RSPO2: variants seen among roughly 807,000 people sequenced by gnomAD.
RSPO2 encodes the protein R-spondin-2.
RSPO2 carries 14 observed loss-of-function variants against 30.9 expected under a neutral mutation model. That is an observed-to-expected ratio of 0.45 (90% CI 0.30 to 0.71). RSPO2 has a LOEUF of 0.71. Among genes scored for constraint, RSPO2 ranks in the 30% least tolerant of loss-of-function variants. The pLI, the probability that RSPO2 is intolerant of heterozygous loss-of-function variation, is 0.08. For missense variants in RSPO2, 264 were observed against 301.9 expected (o/e 0.87, Z 0.93); for synonymous variants, 107 against 96.4 (o/e 1.11, Z -0.64).
At position 107,989,965 on chromosome 8, in the gene RSPO2, G is replaced by A. The variant is rs115661147; in HGVS notation, c.95-721C>T. Among the ~76,000 whole-genome samples the A allele has an allele frequency of 2.2e-3, 341 of 152,254 alleles. 1 individual carries two copies. Among genetic ancestry groups the A allele is most frequent in the African/African-American group, 7.8e-3 (326 of 41,544 alleles). On this transcript the variant is annotated intron_variant, in intron 2 of 5. Coordinates refer to ENST00000276659, the MANE Select transcript of RSPO2 (RefSeq NM_178565.5). ...AGCAAGTAAACCTTCATGAGGAACAGTCAACAATATCAGTAACAAGAAAAC... is the reference window on the plus strand; with the variant it reads ...AGCAAGTAAACCTTCATGAGGAACAATCAACAATATCAGTAACAAGAAAAC...
chr8:108,003,891 T>A (rs1815365186), intron 2 of RSPO2, among the ~76,000 whole-genome samples: 1 of 152,208 alleles, frequency 6.6e-6, no homozygotes, highest in Non-Finnish European at 1.5e-5. Flanking sequence ...GTTTATTTCC[T>A]GTTAAACAAT....
intron 2 of RSPO2, among the ~76,000 whole-genome samples, chr8:108,035,436 T>C (rs1811560608): frequency 6.6e-6 from 1 of 152,088 alleles, no homozygotes; most frequent in East Asian, 1.9e-4. Flanking sequence ...CAGTTCTTTT[T>C]TTTGTTTTGT....
At chr8:107,953,596 G>A (rs1813323566) in intron 5 of RSPO2, among the ~76,000 whole-genome samples, 1 of 152,084 alleles carries the variant, frequency 6.6e-6, no homozygotes, top group African/African-American at 2.4e-5. Context: ...GGACAACCAT[G>A]GCTTTATCTT....
At chr8:108,008,787 CAA>C (rs71308768) in intron 2 of RSPO2, among the ~76,000 whole-genome samples, 1 of 123,664 alleles carries the variant, frequency 8.1e-6, no homozygotes, top group South Asian at 2.6e-4. Context: ...TCATAAACTG[CAA>C]AAAAAAAAAA....
At chr8:107,942,784 C>T (rs1252551186) in intron 5 of RSPO2, among the ~76,000 whole-genome samples, 2 of 151,954 alleles carry the variant, frequency 1.3e-5, no homozygotes, top group African/African-American at 4.8e-5. Flanking sequence ...GATGCTAAAA[C>T]ATAAAAAAAA....
intron 2 of RSPO2, among the ~76,000 whole-genome samples, chr8:108,041,860 A>G (rs975274801): frequency 6.6e-6 from 1 of 152,106 alleles, no homozygotes; most frequent in African/African-American, 2.4e-5. Flanking sequence ...TGGCATCACA[A>G]CAGGTCAAAG....
chr8:107,986,089 G>C (rs1586602948), intron 3 of RSPO2, among the ~76,000 whole-genome samples: 1 of 152,154 alleles, frequency 6.6e-6, no homozygotes, highest in Non-Finnish European at 1.5e-5. Context: ...TTTTAAGGAA[G>C]AGAAAAGTGG....
intron 5 of RSPO2, among the ~76,000 whole-genome samples, chr8:107,945,241 CTTT>C (rs754722790): frequency 3.9e-3 from 291 of 74,790 alleles, no homozygotes; most frequent in Admixed American, 9.9e-3. Flanking sequence ...ATTCTTTTAC[CTTT>C]TTTTTTTTTT....
intron 2 of RSPO2, among the ~76,000 whole-genome samples, chr8:108,046,910 T>G (rs938300115): frequency 6.6e-6 from 1 of 151,868 alleles, no homozygotes; most frequent in African/African-American, 2.4e-5. Flanking sequence ...ACTGAAAAAA[T>G]AAATATATAT....
chr8:107,952,177 G>A (rs1813271794), intron 5 of RSPO2, among the ~76,000 whole-genome samples: 1 of 151,986 alleles, frequency 6.6e-6, no homozygotes, highest in Non-Finnish European at 1.5e-5. Context: ...ATGTTTGGAG[G>A]CAAGTGGATC....
At chr8:108,072,681 A>G (rs11783906) in intron 2 of RSPO2, among the ~76,000 whole-genome samples, 32,459 of 151,554 alleles carry the variant, frequency 0.21, 3,659 homozygotes, top group East Asian at 0.42. Flanking sequence ...TTTATTACAC[A>G]AGGGGGAATA....
chr8:107,946,759 G>A (rs1158406309), intron 5 of RSPO2, among the ~76,000 whole-genome samples: 1 of 152,122 alleles, frequency 6.6e-6, no homozygotes, highest in African/African-American at 2.4e-5. Flanking sequence ...ACATGACTAA[G>A]CTTTGGGAAA....
intron 2 of RSPO2, among the ~76,000 whole-genome samples, chr8:108,012,051 G>A (rs1334964462): frequency 6.6e-6 from 1 of 152,144 alleles, no homozygotes; most frequent in Admixed American, 6.5e-5. Flanking sequence ...TACAGAATAG[G>A]TGGAAAGAAA....
chr8:108,021,294 G>A (rs188043578), intron 2 of RSPO2, among the ~76,000 whole-genome samples: 16 of 152,264 alleles, frequency 1.1e-4, no homozygotes, highest in African/African-American at 3.9e-4. Context: ...ACTGGGATAT[G>A]TAAATAAATG....
intron 2 of RSPO2, among the ~76,000 whole-genome samples, chr8:108,003,304 TA>T (rs1815333414): frequency 4.6e-5 from 1 of 21,964 alleles, no homozygotes; most frequent in East Asian, 6.8e-4. Flanking sequence ...TATATATATA[TA>T]TATATATTTT....
At chr8:108,038,943 C>T (rs1017705819) in intron 2 of RSPO2, among the ~76,000 whole-genome samples, 1 of 152,016 alleles carries the variant, frequency 6.6e-6, no homozygotes, top group African/African-American at 2.4e-5. Flanking sequence ...CTGAAGTATG[C>T]CTGTATTTAT....
intron 2 of RSPO2, among the ~76,000 whole-genome samples, chr8:108,014,699 TG>T (rs560979544): frequency 2.7e-5 from 4 of 148,824 alleles, no homozygotes; most frequent in African/African-American, 9.9e-5. Context: ...TGTCAGGTGG[TG>T]GGGGGGCTAG....
chr8:108,057,498 C>G (rs965296984), intron 2 of RSPO2, among the ~76,000 whole-genome samples: 1 of 152,096 alleles, frequency 6.6e-6, no homozygotes, highest in Non-Finnish European at 1.5e-5. Flanking sequence ...TATACAAGGA[C>G]AGTGTAAAGT....
chr8:108,005,999 T>C (rs80186015), intron 2 of RSPO2, among the ~76,000 whole-genome samples: 1,566 of 152,274 alleles, frequency 0.01, 28 homozygotes, highest in African/African-American at 0.035. Flanking sequence ...GGAAGAACTG[T>C]TAATACAGAA....
Sources: gnomAD v4.1 joint callset for allele counts (sites outside exome capture counted in the v4.1 genomes callset) on GRCh38, gnomAD v4.1.1 for gene constraint, MANE v1.5 for transcripts, NCBI Gene and HGNC (gene_info 2026-07-23, HGNC 2026-07-21) for gene names.